ARMC2: variants seen among roughly 807,000 people sequenced by gnomAD.
ARMC2 encodes armadillo repeat containing 2, also known as armadillo repeat-containing protein 2.
A neutral mutation model predicts 90.3 loss-of-function variants in ARMC2; 67 were observed. That is an observed-to-expected ratio of 0.74 (90% CI 0.61 to 0.91). ARMC2 has a LOEUF of 0.91. Among genes scored for constraint, ARMC2 ranks in the 40% least tolerant of loss-of-function variants. ARMC2 has a pLI of 0.00. For missense variants in ARMC2, 920 were observed against 1,030.9 expected, an observed-to-expected ratio of 0.89 and a Z score of 1.47; for synonymous variants, 393 against 393.0, an observed-to-expected ratio of 1.00 and a Z score of 0.00.
chr6:108,893,807 A>G (rs1366950875), intron 5 of ARMC2, among the ~76,000 whole-genome samples: 1 of 152,190 alleles, frequency 6.6e-6, no homozygotes, highest in Non-Finnish European at 1.5e-5. Flanking sequence ...GCCTGAGGTC[A>G]GGAGTTTGAG....
chr6:108,888,919 G>C lies in ARMC2; in HGVS notation c.672-5548G>C, dbSNP rs115323917. 4.2e-3 allele frequency among the ~76,000 whole-genome samples: 636 copies of C among 152,066 alleles called. 3 individuals carry two copies. The highest frequency in any genetic ancestry group is 0.014 in the African/African-American group (596 of 41,448). ...CACCCCCAAATCGCATCACTTCCTT[G>C]TATAAGAACCCATGACAGTTCCTTA... On this transcript the variant is annotated intron_variant, in intron 5 of 17. Coordinates refer to ENST00000392644, the MANE Select transcript of ARMC2 (RefSeq NM_032131.6).
At chr6:109,022,014 AC>A in the ARMC2 span, among the ~76,000 whole-genome samples, 2 of 152,086 alleles carry the variant, frequency 1.3e-5, no homozygotes, top group Non-Finnish European at 2.9e-5. Flanking sequence ...CATTCAGTCA[AC>A]CAGTGTTAAT....
chr6:109,017,688 G>A, the ARMC2 span, among the ~76,000 whole-genome samples: 4 of 152,138 alleles, frequency 2.6e-5, no homozygotes. Flanking sequence ...ATACAGATTA[G>A]CAGATAGCTT....
chr6:108,960,258 C>G (rs1339280346), intron 13 of ARMC2, among the ~76,000 whole-genome samples: 4 of 152,236 alleles, frequency 2.6e-5, no homozygotes, highest in Non-Finnish European at 5.9e-5. Flanking sequence ...CATCCAGTCT[C>G]TGCCAAGCAC....
chr6:108,897,393 A>G (rs1188534726), intron 6 of ARMC2, among the ~76,000 whole-genome samples: 1 of 152,242 alleles, frequency 6.6e-6, no homozygotes, highest in African/African-American at 2.4e-5. Flanking sequence ...AGACAATTCA[A>G]TTTAGTATCT....
At chr6:108,915,173 C>T (rs1340423180) in intron 10 of ARMC2, among the ~76,000 whole-genome samples, 1 of 152,052 alleles carries the variant, frequency 6.6e-6, no homozygotes, top group African/African-American at 2.4e-5. Flanking sequence ...CCATGCTAGT[C>T]TCAAACTCAT....
At chr6:108,857,435 A>G (rs1774752733) in intron 2 of ARMC2, among the ~76,000 whole-genome samples, 1 of 152,292 alleles carries the variant, frequency 6.6e-6, no homozygotes, top group East Asian at 1.9e-4. Flanking sequence ...AGGATTTTCT[A>G]CATAGATAAT....
intron 1 of ARMC2, among the ~76,000 whole-genome samples, chr6:108,852,805 A>C (rs74546267): frequency 0.012 from 1,830 of 152,314 alleles, 35 homozygotes; most frequent in African/African-American, 0.042. Flanking sequence ...TTAGTGGCAT[A>C]ATTTCTTACT....
the ARMC2 span, among the ~76,000 whole-genome samples, chr6:109,005,977 C>A: frequency 6.6e-6 from 1 of 152,228 alleles, no homozygotes; most frequent in African/African-American, 2.4e-5. Flanking sequence ...TAACACTAGT[C>A]AATGATATCT....
intron 13 of ARMC2, among the ~76,000 whole-genome samples, chr6:108,955,540 G>A (rs774541304): frequency 2.6e-5 from 4 of 152,100 alleles, no homozygotes; most frequent in Admixed American, 6.5e-5. Context: ...CAAAGTCACC[G>A]GGCCCCTGAC....
At chr6:109,009,153 C>T in the ARMC2 span, among the ~76,000 whole-genome samples, 1 of 152,222 alleles carries the variant, frequency 6.6e-6, no homozygotes, top group Admixed American at 6.5e-5. Context: ...GTCTCCCACC[C>T]ACCGCAGGCA....
intron 4 of ARMC2, 111 bp downstream of exon 4, chr6:108,869,106 A>G (rs1467825159): frequency 8.3e-7 from 1 of 1,200,172 alleles, no homozygotes; most frequent in African/African-American, 1.6e-5. Context: ...TTTTATATTA[A>G]CTAAGATTAG....
chr6:108,967,689 C>T (rs1482726030), intron 17 of ARMC2, among the ~76,000 whole-genome samples: 1 of 152,196 alleles, frequency 6.6e-6, no homozygotes, highest in African/African-American at 2.4e-5. Context: ...AAATGGTTGT[C>T]GTGCTGTGAT....
chr6:108,936,681 T>A lies in ARMC2; in HGVS notation c.1497-219T>A, dbSNP rs1429505549. 2.6e-5 allele frequency among the ~76,000 whole-genome samples: 4 copies of A among 152,372 alleles called. No individual in the cohort carries two copies. The South Asian group carries it at 6.2e-4, about 24-fold the overall frequency. ...ATTACGTGGGTAGTGTACACCTACA[T>A]GTAAGTTACCTTTTAAATTTTTCCG... On this transcript the variant is annotated intron_variant, in intron 11 of 17. Transcript: ENST00000392644.
At chr6:109,006,252 CTAT>C in the ARMC2 span, among the ~76,000 whole-genome samples, 2 of 152,192 alleles carry the variant, frequency 1.3e-5, no homozygotes, top group African/African-American at 4.8e-5. Flanking sequence ...GAAGCAGGTA[CTAT>C]TATTATCTCC....
At chr6:108,956,106 C>T (rs1213993458) in intron 13 of ARMC2, among the ~76,000 whole-genome samples, 4 of 152,140 alleles carry the variant, frequency 2.6e-5, no homozygotes, top group Non-Finnish European at 4.4e-5. Flanking sequence ...AGCCTGAAAC[C>T]GACTGGGCGA....
At position 108,965,371 on chromosome 6, in the gene ARMC2, CTT is replaced by C. The variant is rs35328272; in HGVS notation, c.2446+247_2446+248del. Reference sequence around the variant, plus strand: ...GATACATTCATGATTTCTTCTATGGCTTTTTTTTTTTTTTTTTGCATTTTCTC... The same window carrying C: ...GATACATTCATGATTTCTTCTATGGCTTTTTTTTTTTTTTTGCATTTTCTC... On this transcript the variant is annotated intron_variant, in intron 17 of 17. Coordinates refer to ENST00000392644, the MANE Select transcript of ARMC2 (RefSeq NM_032131.6). 2.1e-3 allele frequency among the ~76,000 whole-genome samples: 267 copies of C among 126,724 alleles called. 1 individual carries two copies. The highest frequency in any genetic ancestry group is 7.1e-3 in the African/African-American group (239 of 33,740). 83.1% of individuals were successfully genotyped at this position (126,724 alleles called of 152,430 possible). A position where few individuals can be genotyped will look rare whatever the true frequency, so the allele number is the denominator to read the frequency against.
intron 3 of ARMC2, among the ~76,000 whole-genome samples, chr6:108,863,226 G>T (rs1386395286): frequency 6.6e-6 from 1 of 152,032 alleles, no homozygotes; most frequent in Non-Finnish European, 1.5e-5. Flanking sequence ...CTCAGTACAG[G>T]TGTGCACCAC....
rs1459951808 is a variant in ARMC2 at position 108,858,213 on chromosome 6, G to C, written c.233G>C (p.Ser78Thr). The C allele has an allele frequency of 1.2e-6, 2 of 1,610,528 alleles. No homozygotes were observed. The highest frequency in any genetic ancestry group is 3.3e-5 in the Admixed American group (2 of 59,932). The change falls in exon 3 of 18, where the codon AGT becomes ACT. Residue 78 changes from serine (S) to threonine (T), a missense_variant. Coordinates refer to ENST00000392644, the MANE Select transcript of ARMC2 (RefSeq NM_032131.6). ...TTTTATGCTAGCCTCCATGCATCCA[G>C]TTTTGAGTCATCTGATTCCAGGCCT... ...PPSSFSLHAS[S>T]FESSDSRPIS...
Sources: gnomAD v4.1 joint callset for allele counts (sites outside exome capture counted in the v4.1 genomes callset) on GRCh38, gnomAD v4.1.1 for gene constraint, MANE v1.5 for transcripts, NCBI Gene and HGNC (gene_info 2026-07-23, HGNC 2026-07-21) for gene names.